The following FAAP20 variants were observed in gnomAD, a reference collection of about 807,000 sequenced individuals.
The protein encoded by FAAP20 is FA core complex associated protein 20.
Under a neutral mutation model 16.2 loss-of-function variants are expected in FAAP20, and 12 were observed. The ratio of observed to expected loss-of-function variants is 0.74; its 90% confidence interval spans 0.48 to 1.20. The LOEUF is 1.20. Among genes scored for constraint, FAAP20 ranks in the 50% most tolerant of loss-of-function variants. The pLI is 0.00. For synonymous variants in FAAP20, 141 were observed against 110.7 expected (o/e 1.27, Z -1.72); for missense variants, 288 against 245.8 (o/e 1.17, Z -1.15).
downstream of FAAP20, chr1:2,187,053 C>T (rs574093547): frequency 3.0e-5 from 11 of 370,402 alleles, no homozygotes; most frequent in South Asian, 9.6e-5. Context: ...AAGTGGTTCT[C>T]GAAAACTCTG....
upstream of FAAP20, chr1:2,203,732 C>T: frequency 1.3e-6 from 1 of 790,572 alleles, no homozygotes; most frequent in East Asian, 1.3e-4. Context: ...AGCCTGGCCT[C>T]AGGCCTCAGG....
upstream of FAAP20, chr1:2,194,910 GC>G: frequency 1.5e-6 from 1 of 650,526 alleles, no homozygotes; most frequent in Non-Finnish European, 2.0e-6. Context: ...GGAAACTGAG[GC>G]CAGGGTTCCT....
At chr1:2,187,280 ATTTTCTTTTTTTTTTTCTTTTTCTTTTTT>A, downstream of FAAP20, 1 of 380,610 alleles carries the variant, frequency 2.6e-6, no homozygotes, top group Admixed American at 3.9e-5. Flanking sequence ...TTCTGAAGCC[ATTTTCTTTTTTTTTTTCTTTTTCTTTTTT>A]TTTTCTTTTT....
upstream of FAAP20, among the ~76,000 whole-genome samples, chr1:2,195,024 G>GC (rs1159527296): frequency 1.3e-5 from 2 of 151,796 alleles, no homozygotes; most frequent in South Asian, 2.1e-4. Flanking sequence ...CCGGGCCGGA[G>GC]CCCCCTCCGT....
Position 2,189,751 on chromosome 1 carries a change from C to T in FAAP20, c.501G>A (p.Leu167=), listed in dbSNP as rs1285828543. 1.2e-6 allele frequency: 2 copies of T among 1,612,980 alleles called. No homozygotes were observed. Among genetic ancestry groups the T allele is most frequent in the East Asian group, 4.5e-5 (2 of 44,868 alleles). ...CTGTGCTTTCGGCCAAGCACTGGGCCAGGTGGCTGTCAACATCCAGCTGGG... is the reference window on the plus strand; with the variant it reads ...CTGTGCTTTCGGCCAAGCACTGGGCTAGGTGGCTGTCAACATCCAGCTGGG... ...RLTQLDVDSH[L]AQCLAESTED... is the part of the protein sequence containing the mutation. The change falls in exon 4 of 4, where the codon CTG becomes CTA. Residue 167 remains leucine (L), a synonymous_variant. Transcript: ENST00000378546.
chr1:2,192,249 C>G (rs1183933448), intron 3 of FAAP20: 1 of 986,164 alleles, frequency 1.0e-6, no homozygotes, highest in Non-Finnish European at 1.2e-6. Flanking sequence ...AGCTAGCCTG[C>G]CCATGCGGTG....
intron 3 of FAAP20, chr1:2,193,413 G>T: frequency 1.5e-6 from 1 of 664,764 alleles, no homozygotes; most frequent in East Asian, 3.0e-5. Context: ...GCTGTTCTGT[G>T]GGCCCCCAGC....
upstream of FAAP20, chr1:2,203,478 T>C: frequency 4.1e-6 from 4 of 985,620 alleles, no homozygotes; most frequent in Non-Finnish European, 4.8e-6. Flanking sequence ...CCAGCACAGG[T>C]GTTCTCGCTC....
downstream of FAAP20, among the ~76,000 whole-genome samples, chr1:2,209,436 G>C (rs1368349527): frequency 2.0e-5 from 3 of 152,222 alleles, no homozygotes; most frequent in Non-Finnish European, 2.9e-5. Context: ...CTCTAGAACA[G>C]GAACTCTCCG....
At chr1:2,211,900 CTTTT>C (rs60874812), downstream of FAAP20, among the ~76,000 whole-genome samples, 1 of 98,988 alleles carries the variant, frequency 1.0e-5, no homozygotes, top group Admixed American at 1.1e-4. Context: ...CAAGCTGCTG[CTTTT>C]TTTTTTTTTT....
chr1:2,184,780 C>T, downstream of FAAP20: 1 of 1,457,272 alleles, frequency 6.9e-7, no homozygotes, highest in Non-Finnish European at 9.4e-7. Context: ...GCTGGTGACC[C>T]AGCCTGCCCT....
intron 1 of FAAP20, among the ~76,000 whole-genome samples, chr1:2,194,418 T>C (rs2100697312): frequency 8.5e-6 from 1 of 117,508 alleles, no homozygotes; most frequent in Non-Finnish European, 1.8e-5. Flanking sequence ...CTGGGGAAGG[T>C]AGAGGGTTAG....
downstream of FAAP20, among the ~76,000 whole-genome samples, chr1:2,185,800 G>A (rs1337396140): frequency 6.6e-6 from 1 of 152,216 alleles, no homozygotes; most frequent in Non-Finnish European, 1.5e-5. Flanking sequence ...ACGATGCCTC[G>A]TGCGACGCAT....
downstream of FAAP20, among the ~76,000 whole-genome samples, chr1:2,187,885 A>G (rs1687761461): frequency 6.6e-6 from 1 of 152,158 alleles, no homozygotes; most frequent in Non-Finnish European, 1.5e-5. Flanking sequence ...AGAGGAGCCC[A>G]TGCCCCGGAG....
At chr1:2,207,909 CGTGTGTGT>C (rs58549960), downstream of FAAP20, among the ~76,000 whole-genome samples, 18,949 of 145,822 alleles carry the variant, frequency 0.13, 1,601 homozygotes, top group African/African-American at 0.24. Flanking sequence ...TGGTAACACC[CGTGTGTGT>C]GTGTGTGTGT....
At chr1:2,211,263 CT>C (rs1689427503), downstream of FAAP20, among the ~76,000 whole-genome samples, 2 of 116,218 alleles carry the variant, frequency 1.7e-5, no homozygotes, top group African/African-American at 3.4e-5. Flanking sequence ...GAGTTTCGCT[CT>C]TGTTGCCCTG....
At chr1:2,185,738 C>G (rs906398588), downstream of FAAP20, among the ~76,000 whole-genome samples, 9 of 152,228 alleles carry the variant, frequency 5.9e-5, no homozygotes, top group African/African-American at 2.2e-4. Flanking sequence ...AGAGAAAAAA[C>G]TGAACACTAA....
At chr1:2,199,030 C>T (rs187609592), upstream of FAAP20, 227 of 1,242,004 alleles carry the variant, frequency 1.8e-4, no homozygotes, top group African/African-American at 2.4e-3. This position sits in a 1 kb window ranked among gnomAD's most constrained non-coding sequence, Gnocchi z 4.5. Flanking sequence ...CCTTGGGCAC[C>T]GACAGCCTCC....
intron 1 of FAAP20, among the ~76,000 whole-genome samples, chr1:2,207,003 C>T (rs1271959081): frequency 4.6e-5 from 7 of 152,152 alleles, no homozygotes; most frequent in African/African-American, 7.2e-5. Flanking sequence ...CCCGAAAACA[C>T]GGCAAGGTCA....
Sources: allele counts gnomAD v4.1 joint callset (sites outside exome capture counted in the v4.1 genomes callset), GRCh38; gene constraint gnomAD v4.1.1; non-coding constraint Gnocchi (gnomAD v3.1); transcripts MANE v1.5; gene names NCBI Gene and HGNC (gene_info 2026-07-23, HGNC 2026-07-21).